The following SLC44A3 variants were observed in gnomAD, a reference collection of about 807,000 sequenced individuals.
SLC44A3 encodes the protein solute carrier family 44 member 3.
Under a neutral mutation model 75.4 loss-of-function variants are expected in SLC44A3, and 74 were observed. The ratio of observed to expected loss-of-function variants is 0.98; its 90% CI spans 0.81 to 1.19. The LOEUF (loss-of-function observed/expected upper bound fraction) is 1.19, where lower values mean the gene tolerates loss of function less well. SLC44A3 is among the 50% of genes most tolerant of loss of function. SLC44A3 has a pLI of 0.00. For synonymous variants in SLC44A3, 310 were observed against 296.9 expected, an observed-to-expected ratio of 1.04 and a Z score of -0.45; for missense variants, 700 against 778.6, an observed-to-expected ratio of 0.90 and a Z score of 1.20.
At chr1:94,825,454 C>T (rs890894298) in intron 3 of SLC44A3, among the ~76,000 whole-genome samples, 3 of 152,124 alleles carry the variant, frequency 2.0e-5, no homozygotes, top group African/African-American at 7.2e-5. Context: ...CCTCAGCTTC[C>T]CAAGTAGCTG....
intron 12 of SLC44A3, among the ~76,000 whole-genome samples, chr1:94,873,552 T>C (rs1667981395): frequency 6.6e-6 from 1 of 152,216 alleles, no homozygotes; most frequent in Admixed American, 6.5e-5. Context: ...CTGTTTTTAG[T>C]GAACATAATG....
At chr1:94,872,649 A>G (rs921831036) in intron 12 of SLC44A3, among the ~76,000 whole-genome samples, 8 of 152,076 alleles carry the variant, frequency 5.3e-5, no homozygotes, top group African/African-American at 1.9e-4. Flanking sequence ...AGTCCCTTAA[A>G]CTTGCTGAGC....
At chr1:94,878,093 G>C (rs969955976) in intron 12 of SLC44A3, among the ~76,000 whole-genome samples, 2 of 152,102 alleles carry the variant, frequency 1.3e-5, no homozygotes, top group Non-Finnish European at 2.9e-5. Context: ...AATTAGCCGG[G>C]CGAGGTGGCG....
chr1:94,843,552 T>C (rs1663966556), intron 8 of SLC44A3: 1 of 140,776 alleles, frequency 7.1e-6, no homozygotes, highest in South Asian at 2.3e-4. Context: ...TGTCACTGTC[T>C]TTCCTCCACT....
intron 9 of SLC44A3, among the ~76,000 whole-genome samples, chr1:94,848,376 A>T (rs1664737093): frequency 6.6e-6 from 1 of 151,860 alleles, no homozygotes; most frequent in Non-Finnish European, 1.5e-5. Context: ...ATGAGGTGTG[A>T]TGGAGGTGGT....
intron 12 of SLC44A3, among the ~76,000 whole-genome samples, chr1:94,874,104 G>T (rs9432602): frequency 0.048 from 7,348 of 152,246 alleles, 274 homozygotes; most frequent in South Asian, 0.092. Flanking sequence ...TTGCATTAAG[G>T]CCCATTTATA....
chr1:94,873,011 G>A (rs1385981705), intron 12 of SLC44A3, among the ~76,000 whole-genome samples: 1 of 152,174 alleles, frequency 6.6e-6, no homozygotes, highest in Non-Finnish European at 1.5e-5. Context: ...ACAAAGAGGA[G>A]CCATTTATCT....
chr1:94,881,695 C>T (rs1456228973), intron 12 of SLC44A3, among the ~76,000 whole-genome samples: 1 of 146,078 alleles, frequency 6.8e-6, no homozygotes, highest in African/African-American at 2.6e-5. Context: ...CAGAGCAAGA[C>T]TCCGTCTCAA....
At chr1:94,823,355 C>T (rs1411105146) in intron 2 of SLC44A3, among the ~76,000 whole-genome samples, 12 of 152,180 alleles carry the variant, frequency 7.9e-5, no homozygotes, top group African/African-American at 2.9e-4. Context: ...GTGAGTGACA[C>T]ACACTACTAG....
intron 9 of SLC44A3, among the ~76,000 whole-genome samples, chr1:94,848,190 CT>C (rs1227396361): frequency 6.7e-6 from 1 of 149,574 alleles, no homozygotes; most frequent in African/African-American, 2.5e-5. Flanking sequence ...GACCACACCA[CT>C]GCACTCCAGC....
chr1:94,836,259 A>G (rs1662766143), intron 5 of SLC44A3, among the ~76,000 whole-genome samples: 1 of 152,214 alleles, frequency 6.6e-6, no homozygotes, highest in Non-Finnish European at 1.5e-5. Flanking sequence ...ATGGAAAGAA[A>G]GAAGAACAGG....
intron 4 of SLC44A3, among the ~76,000 whole-genome samples, chr1:94,828,133 G>A (rs1268918662): frequency 6.6e-6 from 1 of 152,158 alleles, no homozygotes; most frequent in African/African-American, 2.4e-5. Context: ...AAAATACCTT[G>A]TACTGGGTCC....
Position 94,892,391 on chromosome 1 carries a change from A to G in SLC44A3, c.1731A>G (p.Leu577=). The G allele has an allele frequency of 6.2e-7, 1 of 1,614,144 alleles. No individual in the cohort carries two copies. The highest frequency in any genetic ancestry group is 8.5e-7 in the Non-Finnish European group (1 of 1,180,016). The part of the protein sequence containing the change: ...PLLLVAFFAY[L]VAHSFLSVFE... ...TATTGGTAGCTTTTTTTGCCTACTT[A>G]GTAGCCCATAGTTTTTTATCTGTGT... The change falls in exon 14 of 15, where the codon TTA becomes TTG. Residue 577 remains leucine, a synonymous_variant. Transcript: ENST00000271227.
At chr1:94,891,540 T>A (rs1670207945) in intron 13 of SLC44A3, among the ~76,000 whole-genome samples, 1 of 152,238 alleles carries the variant, frequency 6.6e-6, no homozygotes, top group South Asian at 2.1e-4. Context: ...ACCATTCTGA[T>A]TCCCTCTTTT....
intron 12 of SLC44A3, among the ~76,000 whole-genome samples, chr1:94,874,334 C>T (rs1391114534): frequency 6.6e-6 from 1 of 152,168 alleles, no homozygotes; most frequent in Non-Finnish European, 1.5e-5. Flanking sequence ...GAGCCTAGCT[C>T]CCACCTGCTG....
chr1:94,850,578 TCAGA>T (rs910254743), intron 9 of SLC44A3, among the ~76,000 whole-genome samples: 121 of 152,250 alleles, frequency 7.9e-4, no homozygotes, highest in African/African-American at 2.8e-3. Context: ...GGCAGCAGGG[TCAGA>T]CAGAGAGTTT....
At chr1:94,854,516 A>G (rs185668383) in intron 9 of SLC44A3, among the ~76,000 whole-genome samples, 2 of 152,286 alleles carry the variant, frequency 1.3e-5, no homozygotes, top group Non-Finnish European at 2.9e-5. Context: ...GTCCATAGAG[A>G]CAAAGCAACT....
intron 5 of SLC44A3, 112 bp downstream of exon 5, chr1:94,828,698 C>A: frequency 1.1e-6 from 1 of 896,884 alleles, no homozygotes; most frequent in South Asian, 1.7e-5. Flanking sequence ...AGAGCCCCTG[C>A]CTGCAGGGAG....
At chr1:94,868,450 G>A (rs528227604) in intron 12 of SLC44A3, among the ~76,000 whole-genome samples, 2 of 152,212 alleles carry the variant, frequency 1.3e-5, no homozygotes, top group Admixed American at 6.5e-5. Flanking sequence ...TCTTAAACTT[G>A]GAGAACATTT....
Sources: allele counts gnomAD v4.1 joint callset (sites outside exome capture counted in the v4.1 genomes callset), GRCh38; gene constraint gnomAD v4.1.1; transcripts MANE v1.5; gene names NCBI Gene and HGNC (gene_info 2026-07-23, HGNC 2026-07-21).